BMP6: variants seen among roughly 807,000 people sequenced by gnomAD.
The protein encoded by BMP6 is VG-1-R.
BMP6 carries 17 observed loss-of-function variants against 54.1 expected under a neutral mutation model. The ratio of observed to expected loss-of-function variants is 0.31; its 90% CI spans 0.22 to 0.47. The LOEUF is 0.47. BMP6 is among the 20% of genes least tolerant of loss of function. The pLI, the probability that BMP6 is intolerant of heterozygous loss-of-function variation, is 1.00. For synonymous variants in BMP6, 328 were observed against 291.2 expected (o/e 1.13, Z -1.28); for missense variants, 720 against 690.4 (o/e 1.04, Z -0.48).
chr6:7,762,571 T>C (rs867946316), intron 1 of BMP6, among the ~76,000 whole-genome samples: 23 of 152,224 alleles, frequency 1.5e-4, no homozygotes, highest in South Asian at 6.2e-4. Flanking sequence ...TCCTAAGTGC[T>C]AGCTGAGTAA....
intron 1 of BMP6, among the ~76,000 whole-genome samples, chr6:7,839,370 A>G (rs1758927662): frequency 6.6e-6 from 1 of 152,198 alleles, no homozygotes; most frequent in Non-Finnish European, 1.5e-5. Context: ...GGCATTAAGG[A>G]CATTCACATT....
chr6:7,800,700 T>C (rs1206217509), intron 1 of BMP6, among the ~76,000 whole-genome samples: 1 of 152,222 alleles, frequency 6.6e-6, no homozygotes, highest in African/African-American at 2.4e-5. Context: ...TTCCTTTTAT[T>C]ATTCTGTCTT....
chr6:7,801,598 G>A (rs964943828), intron 1 of BMP6, among the ~76,000 whole-genome samples: 2 of 152,200 alleles, frequency 1.3e-5, no homozygotes, highest in African/African-American at 4.8e-5. Flanking sequence ...ATAGCTCAGG[G>A]GCTGAAGAAG....
intron 1 of BMP6, among the ~76,000 whole-genome samples, chr6:7,835,737 T>C (rs1374172772): frequency 6.6e-6 from 1 of 152,230 alleles, no homozygotes; most frequent in Non-Finnish European, 1.5e-5. Flanking sequence ...CGCATGTTTA[T>C]TGACTGAAGT....
chr6:7,808,541 A>G (rs927367537), intron 1 of BMP6, among the ~76,000 whole-genome samples: 1 of 152,194 alleles, frequency 6.6e-6, no homozygotes, highest in African/African-American at 2.4e-5. Context: ...GGAAGTCTAA[A>G]GAAGATTTGG....
At chr6:7,850,519 C>T (rs1340337336) in intron 2 of BMP6, among the ~76,000 whole-genome samples, 1 of 152,204 alleles carries the variant, frequency 6.6e-6, no homozygotes, top group South Asian at 2.1e-4. Context: ...CAATCCCAGA[C>T]TGAACTATTG....
At chr6:7,837,025 C>T (rs1283910961) in intron 1 of BMP6, among the ~76,000 whole-genome samples, 6 of 152,054 alleles carry the variant, frequency 3.9e-5, no homozygotes, top group South Asian at 2.1e-4. Context: ...TAAATGGAAA[C>T]GTGAAATATT....
intron 1 of BMP6, among the ~76,000 whole-genome samples, chr6:7,817,295 G>T (rs1006803811): frequency 1.3e-5 from 2 of 152,058 alleles, no homozygotes; most frequent in African/African-American, 2.4e-5. Context: ...TGCTTATGTG[G>T]AGGTGGTGCA....
chr6:7,775,987 C>T (rs1757856524), intron 1 of BMP6, among the ~76,000 whole-genome samples: 1 of 152,206 alleles, frequency 6.6e-6, no homozygotes. Context: ...CCATACCACC[C>T]TGAATGCACT....
At chr6:7,794,249 C>T (rs984306377) in intron 1 of BMP6, among the ~76,000 whole-genome samples, 1 of 152,098 alleles carries the variant, frequency 6.6e-6, no homozygotes, top group African/African-American at 2.4e-5. Flanking sequence ...AAAGTTGGGC[C>T]ATTTGGTTCT....
At chr6:7,774,948 G>C (rs751572886) in intron 1 of BMP6, among the ~76,000 whole-genome samples, 6 of 152,160 alleles carry the variant, frequency 3.9e-5, no homozygotes, top group Non-Finnish European at 7.3e-5. Context: ...CATGGCAGAA[G>C]GTGGAATGGC....
chr6:7,782,421 CTG>C (rs1201709464), intron 1 of BMP6, among the ~76,000 whole-genome samples: 1 of 152,086 alleles, frequency 6.6e-6, no homozygotes, highest in Non-Finnish European at 1.5e-5. Context: ...TACAAAGTAA[CTG>C]AAGCAGCCCA....
At chr6:7,727,679 C>T in intron 1 of BMP6, 60 bp downstream of exon 1, 2 of 1,441,492 alleles carry the variant, frequency 1.4e-6, no homozygotes, top group Admixed American at 2.6e-5. Context: ...GTCCCGGGCC[C>T]AGGGGATGGA....
chr6:7,797,676 G>A (rs1758210789), intron 1 of BMP6, among the ~76,000 whole-genome samples: 1 of 152,082 alleles, frequency 6.6e-6, no homozygotes, highest in Non-Finnish European at 1.5e-5. Flanking sequence ...TCTCTTTCTT[G>A]GAGTGCAAAT....
intron 1 of BMP6, among the ~76,000 whole-genome samples, chr6:7,749,712 G>A (rs1472798924): frequency 1.3e-5 from 2 of 152,180 alleles, no homozygotes; most frequent in Non-Finnish European, 2.9e-5. Context: ...GAGTGCAGAC[G>A]GGACACCGTG....
At chr6:7,803,325 G>T (rs994221156) in intron 1 of BMP6, among the ~76,000 whole-genome samples, 34 of 152,160 alleles carry the variant, frequency 2.2e-4, no homozygotes, top group African/African-American at 7.2e-4. Flanking sequence ...TCTGGGTTTG[G>T]TCCAACTCAA....
Position 7,840,838 on chromosome 6 carries a change from C to T in BMP6, c.665-4302C>T, listed in dbSNP as rs148819191. 3.0e-4 allele frequency among the ~76,000 whole-genome samples: 45 copies of T among 152,246 alleles called. No homozygotes were observed. The East Asian group carries it at 5.0e-3, about 17-fold the overall frequency. The stretch of plus-strand genomic sequence containing the variant: ...GGAATTATTGCCTCAGAGAACACAG[C>T]GCCGCATTCAGGAGCCAGCCACCAA... On this transcript the variant is annotated intron_variant, in intron 1 of 6. Transcript: ENST00000283147.
At chr6:7,796,166 G>A (rs1001860189) in intron 1 of BMP6, among the ~76,000 whole-genome samples, 10 of 152,204 alleles carry the variant, frequency 6.6e-5, no homozygotes, top group African/African-American at 9.7e-5. Context: ...GGATCCTGGG[G>A]AGGAGGTTGG....
chr6:7,873,925 C>G (rs377710183), intron 4 of BMP6, among the ~76,000 whole-genome samples: 2 of 151,926 alleles, frequency 1.3e-5, no homozygotes, highest in African/African-American at 4.8e-5. Flanking sequence ...TAGCACGAGA[C>G]GGTATTTTGG....
Sources: allele counts gnomAD v4.1 joint callset (sites outside exome capture counted in the v4.1 genomes callset), GRCh38; gene constraint gnomAD v4.1.1; transcripts MANE v1.5; gene names NCBI Gene and HGNC (gene_info 2026-07-23, HGNC 2026-07-21).